The following ZNF521 variants were observed in gnomAD, a reference collection of about 807,000 sequenced individuals.
The protein encoded by ZNF521 is LYST-interacting protein 3.
Under a neutral mutation model 105.5 loss-of-function variants are expected in ZNF521, and 14 were observed. That is an observed-to-expected ratio of 0.13 (90% CI 0.09 to 0.21). ZNF521 has a LOEUF of 0.21. Ranked by LOEUF, ZNF521 falls within the 10% of genes least tolerant of loss-of-function variation. The pLI is 1.00. For synonymous variants in ZNF521, 635 were observed against 606.0 expected, an observed-to-expected ratio of 1.05 and a Z score of -0.70; for missense variants, 1,233 against 1,629.7, an observed-to-expected ratio of 0.76 and a Z score of 4.19.
intron 4 of ZNF521, among the ~76,000 whole-genome samples, chr18:25,212,302 C>G (rs1331470319): frequency 3.3e-5 from 5 of 150,938 alleles, no homozygotes; most frequent in East Asian, 1.9e-4. Context: ...ACAAGGTCAG[C>G]AGTTCGAGAC....
At chr18:25,328,395 G>C (rs1408119084) in intron 2 of ZNF521, among the ~76,000 whole-genome samples, 2 of 133,596 alleles carry the variant, frequency 1.5e-5, no homozygotes, top group Admixed American at 1.6e-4. Flanking sequence ...AGCCTTAGGG[G>C]AGGTTAAACA....
chr18:25,180,174 T>G (rs1051289008), intron 5 of ZNF521, among the ~76,000 whole-genome samples: 2 of 152,206 alleles, frequency 1.3e-5, no homozygotes, highest in African/African-American at 4.8e-5. Flanking sequence ...AAAAGACACA[T>G]GCACATGTAG....
At chr18:25,204,691 A>T (rs1047097668) in intron 4 of ZNF521, among the ~76,000 whole-genome samples, 40 of 152,232 alleles carry the variant, frequency 2.6e-4, no homozygotes, top group African/African-American at 8.7e-4. Context: ...CACATTAAAC[A>T]CTGAAAAAAC....
chr18:25,144,809 G>A (rs2034912762), intron 5 of ZNF521, among the ~76,000 whole-genome samples: 2 of 152,164 alleles, frequency 1.3e-5, no homozygotes. Flanking sequence ...GAAAACGCAG[G>A]AGGAAAGAGT....
At chr18:25,175,320 T>C (rs1001709741) in intron 5 of ZNF521, among the ~76,000 whole-genome samples, 3 of 152,076 alleles carry the variant, frequency 2.0e-5, no homozygotes, top group African/African-American at 7.2e-5. Context: ...AATCAGAAAA[T>C]TTGGGGAGAA....
intron 5 of ZNF521, among the ~76,000 whole-genome samples, chr18:25,163,008 G>T (rs1039088715): frequency 1.3e-5 from 2 of 151,820 alleles, no homozygotes; most frequent in Non-Finnish European, 2.9e-5. Context: ...TTTCTCCATT[G>T]TTCCATCTGT....
At chr18:25,321,610 G>A (rs1912938272) in intron 3 of ZNF521, among the ~76,000 whole-genome samples, 1 of 152,192 alleles carries the variant, frequency 6.6e-6, no homozygotes, top group Non-Finnish European at 1.5e-5. Flanking sequence ...CTCAGGCAGA[G>A]GGAGATCAGA....
At chr18:25,245,347 G>C (rs1280491570) in intron 3 of ZNF521, among the ~76,000 whole-genome samples, 1 of 152,262 alleles carries the variant, frequency 6.6e-6, no homozygotes, top group Non-Finnish European at 1.5e-5. Context: ...CTGGACACAT[G>C]CATAGTCTCC....
In ZNF521 at chr18:25,326,438, T is replaced by C. The variant is rs535242600; in HGVS notation, c.41-4251A>G. The stretch of plus-strand genomic sequence containing the variant: ...AAGGAATATTTCTGCAGCTCAGTGG[T>C]AAAGTAAAACTCTGTCGCTCTCTGC... On this transcript the variant is annotated intron_variant, in intron 2 of 7. Coordinates refer to ENST00000361524, the MANE Select transcript of ZNF521 (RefSeq NM_015461.3). 6.7e-4 allele frequency among the ~76,000 whole-genome samples: 102 copies of C among 152,222 alleles called. 1 individual carries two copies. The highest frequency in any genetic ancestry group is 1.4e-3 in the Non-Finnish European group (94 of 68,050).
chr18:25,244,677 T>C (rs1227181153), intron 3 of ZNF521, among the ~76,000 whole-genome samples: 6 of 152,244 alleles, frequency 3.9e-5, no homozygotes, highest in African/African-American at 1.4e-4. Flanking sequence ...ACCAGAGGTA[T>C]CTTTATGTGA....
At chr18:25,307,139 C>T (rs1912028544) in intron 3 of ZNF521, among the ~76,000 whole-genome samples, 1 of 152,150 alleles carries the variant, frequency 6.6e-6, no homozygotes, top group Non-Finnish European at 1.5e-5. Context: ...CCTCTCTACC[C>T]TATGACCACT....
At position 25,062,749 on chromosome 18, in the gene ZNF521, TAACAAAAA is replaced by T; in HGVS notation, c.3907-16_3907-9del. The T allele has an allele frequency of 4.9e-6, 1 of 204,574 alleles. No individual in the cohort carries two copies. The highest frequency in any genetic ancestry group is 1.2e-4 in the Admixed American group (1 of 8,242). The allele number at this position is 204,574 out of a possible 1,614,324, so 12.7% of individuals were successfully genotyped here. A position where few individuals can be genotyped will look rare whatever the true frequency, so the allele number is the denominator to read the frequency against. ...TTGGGTCATTGTATGATTCTGTAAA[TAACAAAAA>T]AAAAAAAAAAAAAAAAAAAAAAAAA... On this transcript the variant is annotated splice_polypyrimidine_tract_variant and intron_variant, in intron 7 of 7. Coordinates refer to ENST00000361524, the MANE Select transcript of ZNF521 (RefSeq NM_015461.3).
At chr18:25,132,880 G>A (rs1188782912) in intron 5 of ZNF521, among the ~76,000 whole-genome samples, 1 of 152,100 alleles carries the variant, frequency 6.6e-6, no homozygotes, top group African/African-American at 2.4e-5. Context: ...ACAAAGCCCC[G>A]ATCTGGAAAC....
chr18:25,062,476 A>G lies in ZNF521; in HGVS notation c.*236T>C. Reference sequence around the variant, plus strand: ...GGGCCCAAGTCCACTTGTCTTTATAAGACCATTTTAGTATCAGACGACATA... The same window carrying G: ...GGGCCCAAGTCCACTTGTCTTTATAGGACCATTTTAGTATCAGACGACATA... On this transcript the variant is annotated 3_prime_UTR_variant, in exon 8 of 8. Transcript: ENST00000361524. The G allele has an allele frequency of 2.0e-6, 1 of 504,564 alleles. No homozygotes were observed. The highest frequency in any genetic ancestry group is 3.3e-6 in the Non-Finnish European group (1 of 299,112). 31.3% of individuals were successfully genotyped at this position (504,564 alleles called of 1,614,324 possible).
At chr18:25,131,270 C>T (rs1182439006) in intron 5 of ZNF521, among the ~76,000 whole-genome samples, 1 of 152,110 alleles carries the variant, frequency 6.6e-6, no homozygotes, top group Non-Finnish European at 1.5e-5. Context: ...ACTTAAAGTC[C>T]TTGGCATGGC....
At chr18:25,311,644 C>T (rs1045320660) in intron 3 of ZNF521, among the ~76,000 whole-genome samples, 1 of 152,130 alleles carries the variant, frequency 6.6e-6, no homozygotes, top group African/African-American at 2.4e-5. Flanking sequence ...TATACTTCTC[C>T]ACACGGACAA....
At chr18:25,143,921 T>C (rs1006740820) in intron 5 of ZNF521, among the ~76,000 whole-genome samples, 1 of 152,222 alleles carries the variant, frequency 6.6e-6, no homozygotes, top group Non-Finnish European at 1.5e-5. Context: ...TGGTTTATAA[T>C]TACAAGAATG....
intron 5 of ZNF521, among the ~76,000 whole-genome samples, chr18:25,134,147 T>A (rs189045028): frequency 6.6e-6 from 1 of 152,114 alleles, no homozygotes; most frequent in African/African-American, 2.4e-5. Context: ...ACCTCTTGTA[T>A]CCTAACAGAC....
At chr18:25,297,314 C>T (rs1911378413) in intron 3 of ZNF521, among the ~76,000 whole-genome samples, 1 of 151,990 alleles carries the variant, frequency 6.6e-6, no homozygotes, top group African/African-American at 2.4e-5. Context: ...TCCAGTTTTG[C>T]TAACAGAGAT....
Sources: allele counts gnomAD v4.1 joint callset (sites outside exome capture counted in the v4.1 genomes callset), GRCh38; gene constraint gnomAD v4.1.1; transcripts MANE v1.5; gene names NCBI Gene and HGNC (gene_info 2026-07-23, HGNC 2026-07-21).